AKR1C1: variants seen among roughly 807,000 people sequenced by gnomAD.
The protein encoded by AKR1C1 is aldo-keto reductase family 1 member C1.
A neutral mutation model predicts 40.6 loss-of-function variants in AKR1C1; 32 were observed. The observed-to-expected ratio is 0.79, with a 90% CI of 0.60 to 1.06. The LOEUF (loss-of-function observed/expected upper bound fraction) is 1.06, where lower values mean the gene tolerates loss of function less well. Ranked by LOEUF, AKR1C1 falls within the 50% of genes least tolerant of loss-of-function variation. The probability of loss-of-function intolerance (pLI) is 0.00; values close to 1 mark genes in which losing one functional copy is unlikely to be tolerated. For missense variants in AKR1C1, 320 were observed against 363.5 expected (o/e 0.88, Z 0.97); for synonymous variants, 105 against 134.2 (o/e 0.78, Z 1.50).
intron 8 of AKR1C1, among the ~76,000 whole-genome samples, chr10:4,976,955 G>A (rs75391810): frequency 0.33 from 50,572 of 151,204 alleles, 9,056 homozygotes; most frequent in African/African-American, 0.5. Context: ...AATGTTTTTG[G>A]GGATCATGAA....
intron 7 of AKR1C1, among the ~76,000 whole-genome samples, chr10:4,974,592 A>C (rs1444814423): frequency 6.6e-6 from 1 of 152,064 alleles, no homozygotes; most frequent in Non-Finnish European, 1.5e-5. Context: ...TTGACTTTTT[A>C]AATACTGTAT....
rs1274277668 is a variant in AKR1C1, at chr10:4,981,564, A to G, written c.*3822A>G. 6.6e-6 allele frequency: 1 copy of G among 152,222 alleles called. No homozygotes were observed. The highest frequency in any genetic ancestry group is 1.5e-5 in the Non-Finnish European group (1 of 68,030). 9.4% of individuals were successfully genotyped at this position (152,222 alleles called of 1,614,324 possible). A position where few individuals can be genotyped will look rare whatever the true frequency, so the allele number is the denominator to read the frequency against. On this transcript the variant is annotated 3_prime_UTR_variant, in exon 9 of 9. Transcript: ENST00000380872. ...TGAATTTCTTTTCAAGAACCAATGC[A>G]GAGACTTAACAGATATATGAAAAAA... is the stretch of plus-strand genomic sequence containing the variant.
intron 5 of AKR1C1, among the ~76,000 whole-genome samples, chr10:4,970,772 G>T (rs1309717892): frequency 7.5e-6 from 1 of 133,122 alleles, no homozygotes; most frequent in African/African-American, 2.8e-5. Context: ...AGATCACATG[G>T]ATACAGGAAG....
chr10:4,977,590 A>G, intron 8 of AKR1C1, 110 bp from the exon 9 acceptor site: 2 of 1,245,158 alleles, frequency 1.6e-6, no homozygotes, highest in Middle Eastern at 1.9e-4. Context: ...CAGTCAGAAA[A>G]TGAACTTCTT....
At chr10:4,967,261 A>T in intron 3 of AKR1C1, 12 of 1,029,196 alleles carry the variant, frequency 1.2e-5, no homozygotes, top group Non-Finnish European at 1.5e-5. Context: ...CAGAACTCTC[A>T]AAGCCTCTGC....
Position 4,980,916 on chromosome 10 carries a change from C to G in AKR1C1, c.*3174C>G, listed in dbSNP as rs1317300589. The stretch of plus-strand genomic sequence containing the variant: ...TTTCCCAGGTTCTTCAGACAAGTCA[C>G]CATGGTAGCTGTAGACTTATGAAAT... On this transcript the variant is annotated 3_prime_UTR_variant, in exon 9 of 9. Coordinates refer to ENST00000380872, the MANE Select transcript of AKR1C1 (RefSeq NM_001353.6). 6.6e-6 allele frequency: 1 copy of G among 152,154 alleles called. No individual in the cohort carries two copies. The highest frequency in any genetic ancestry group is 6.5e-5 in the Admixed American group (1 of 15,274). The allele number at this position is 152,154 out of a possible 1,614,324, so 9.4% of individuals were successfully genotyped here. A position where few individuals can be genotyped will look rare whatever the true frequency, so the allele number is the denominator to read the frequency against.
At chr10:4,969,039 T>C in intron 5 of AKR1C1, 95 bp downstream of exon 5, 1 of 1,591,216 alleles carries the variant, frequency 6.3e-7, no homozygotes, top group Non-Finnish European at 8.6e-7. Context: ...CTTATCTTTG[T>C]AAAAGAGAAG....
intron 8 of AKR1C1, among the ~76,000 whole-genome samples, chr10:4,976,425 C>T (rs1836526840): frequency 1.3e-5 from 2 of 152,052 alleles, no homozygotes; most frequent in Admixed American, 6.6e-5. Context: ...GTCGATTTAG[C>T]ATTTTTAATC....
chr10:4,968,911 G>A lies in AKR1C1; in HGVS notation c.537G>A (p.Lys179=), dbSNP rs781725057. 4 of 1,614,162 alleles carry A rather than the reference G, an allele frequency of 2.5e-6. No individual in the cohort carries two copies. The highest frequency in any genetic ancestry group is 1.6e-4 in the Middle Eastern group (1 of 6,062). Residue 179 remains lysine (K), a synonymous_variant, in exon 5 of 9, where the codon AAG becomes AAA. Coordinates refer to ENST00000380872, the MANE Select transcript of AKR1C1 (RefSeq NM_001353.6). Reference sequence around the variant, plus strand: ...GGCAGCTGGAGATGATCCTCAACAAGCCAGGGCTCAAGTACAAGCCTGTCT... The same window carrying A: ...GGCAGCTGGAGATGATCCTCAACAAACCAGGGCTCAAGTACAAGCCTGTCT... ...NRRQLEMILN[K]PGLKYKPVCN...
Position 4,967,001 on chromosome 10 carries a change from T to C in AKR1C1, c.327T>C (p.Asp109=), listed in dbSNP as rs11548049. 7.5e-3 allele frequency: 12,077 copies of C among 1,613,436 alleles called. 45 individuals carry two copies. Among genetic ancestry groups the C allele is most frequent in the Non-Finnish European group, 8.6e-3 (10,089 of 1,179,402 alleles). Residue 109 remains aspartate, a synonymous_variant, in exon 3 of 9, where the codon GAT becomes GAC. Coordinates refer to ENST00000380872, the MANE Select transcript of AKR1C1 (RefSeq NM_001353.6). The part of the protein sequence containing the change: ...LERSLKNLQL[D]YVDLYLIHFP... ...GGTCACTGAAAAATCTTCAATTGGA[T>C]TATGTTGACCTCTACCTTATTCATT...
intron 5 of AKR1C1, among the ~76,000 whole-genome samples, chr10:4,971,279 T>G (rs1836422089): frequency 6.6e-6 from 1 of 152,074 alleles, no homozygotes; most frequent in African/African-American, 2.4e-5. Context: ...CAAGTAAAAA[T>G]AATAAACTAC....
Position 4,966,938 on chromosome 10 carries a change from T to C in AKR1C1, c.264T>C (p.Asn88=). 6.2e-7 allele frequency: 1 copy of C among 1,613,116 alleles called. No individual in the cohort carries two copies. The highest frequency in any genetic ancestry group is 8.5e-7 in the Non-Finnish European group (1 of 1,179,576). The change falls in exon 3 of 9, where the codon AAT becomes AAC. Residue 88 remains asparagine (N), a synonymous_variant. Coordinates refer to ENST00000380872, the MANE Select transcript of AKR1C1 (RefSeq NM_001353.6). ...DIFYTSKLWC[N]SHRPELVRPA... Reference sequence around the variant, plus strand: ...TCTAACCTCTGCAGCTTTGGTGCAATTCCCATCGACCAGAGTTGGTCCGAC... The same window carrying C: ...TCTAACCTCTGCAGCTTTGGTGCAACTCCCATCGACCAGAGTTGGTCCGAC...
chr10:4,975,010 AT>A (rs1446624386), intron 7 of AKR1C1, among the ~76,000 whole-genome samples: 5 of 152,102 alleles, frequency 3.3e-5, no homozygotes, highest in Non-Finnish European at 5.9e-5. Flanking sequence ...CAATATTGAG[AT>A]TTCCAATGCA....
chr10:4,968,912 C>T lies in AKR1C1; in HGVS notation c.538C>T (p.Pro180Ser). 1 of 1,614,178 alleles carries T rather than the reference C, an allele frequency of 6.2e-7. No individual in the cohort carries two copies. The highest frequency in any genetic ancestry group is 8.5e-7 in the Non-Finnish European group (1 of 1,180,030). ...GCAGCTGGAGATGATCCTCAACAAG[C>T]CAGGGCTCAAGTACAAGCCTGTCTG... ...RRQLEMILNK[P>S]GLKYKPVCNQ... Residue 180 changes from proline (P) to serine (S), a missense_variant, in exon 5 of 9, where the codon CCA becomes TCA. This residue lies in a region of AKR1C1 where 214 missense variants were observed against 214.8 expected (regional missense o/e 1.00). Coordinates refer to ENST00000380872, the MANE Select transcript of AKR1C1 (RefSeq NM_001353.6).
chr10:4,968,887 G>A lies in AKR1C1; in HGVS notation c.513G>A (p.Arg171=). ...TCGGGGTGTCCAACTTCAACCGCAG[G>A]CAGCTGGAGATGATCCTCAACAAGC... ...KSIGVSNFNR[R]QLEMILNKPG... Residue 171 remains arginine, a synonymous_variant, in exon 5 of 9, where the codon AGG becomes AGA. Coordinates refer to ENST00000380872, the MANE Select transcript of AKR1C1 (RefSeq NM_001353.6). 1.2e-6 allele frequency: 2 copies of A among 1,614,162 alleles called. No homozygotes were observed. Among genetic ancestry groups the A allele is most frequent in the Non-Finnish European group, 1.7e-6 (2 of 1,180,030 alleles).
chr10:4,975,502 T>C (rs1836513474), intron 7 of AKR1C1, among the ~76,000 whole-genome samples: 1 of 152,212 alleles, frequency 6.6e-6, no homozygotes, highest in Admixed American at 6.5e-5. Context: ...TACTAAATTA[T>C]GCTAGACATT....
At position 4,980,047 on chromosome 10, in the gene AKR1C1, T is replaced by C. The variant is rs1399423236; in HGVS notation, c.*2305T>C. On this transcript the variant is annotated 3_prime_UTR_variant, in exon 9 of 9. Coordinates refer to ENST00000380872, the MANE Select transcript of AKR1C1 (RefSeq NM_001353.6). ...AAGTATAATTCTAAGCTAATACGTATGCAATGTAGGAAGCTGTAATTACTG... is the reference window on the plus strand; with the variant it reads ...AAGTATAATTCTAAGCTAATACGTACGCAATGTAGGAAGCTGTAATTACTG... 8.3e-3 allele frequency: 1,229 copies of C among 148,758 alleles called. No individual in the cohort carries two copies. Among genetic ancestry groups the C allele is most frequent in the African/African-American group, 0.03 (1,192 of 39,770 alleles). The allele number at this position is 148,758 out of a possible 1,614,324, so 9.2% of individuals were successfully genotyped here. A position where few individuals can be genotyped will look rare whatever the true frequency, so the allele number is the denominator to read the frequency against.
At chr10:4,969,775 A>G in intron 5 of AKR1C1, 1 of 1,597,802 alleles carries the variant, frequency 6.3e-7, no homozygotes, top group South Asian at 1.1e-5. Flanking sequence ...TTCAGCATTA[A>G]AGTTACTACA....
intron 5 of AKR1C1, chr10:4,969,858 C>T: frequency 1.1e-6 from 1 of 899,634 alleles, no homozygotes; most frequent in Non-Finnish European, 1.7e-6. Flanking sequence ...TGAAGATCTA[C>T]AGTGGAAATA....
Sources: allele counts gnomAD v4.1 joint callset (sites outside exome capture counted in the v4.1 genomes callset), GRCh38; gene constraint gnomAD v4.1.1; regional missense constraint gnomAD v4.1.1; transcripts MANE v1.5; gene names NCBI Gene and HGNC (gene_info 2026-07-23, HGNC 2026-07-21).